Variants in C3orf52 observed in about 807,000 individuals in gnomAD.
The protein encoded by C3orf52 is TPA-induced transmembrane protein.
C3orf52 carries 22 observed loss-of-function variants against 24.8 expected under a neutral mutation model. The ratio of observed to expected loss-of-function variants is 0.89; its 90% CI spans 0.63 to 1.27. The LOEUF (loss-of-function observed/expected upper bound fraction) is 1.27, where lower values mean the gene tolerates loss of function less well. Ranked by LOEUF, C3orf52 falls within the 50% of genes most tolerant of loss-of-function variation. C3orf52 has a pLI of 0.00. For missense variants in C3orf52, 265 were observed against 260.7 expected (o/e 1.02, Z -0.11); for synonymous variants, 93 against 100.2 (o/e 0.93, Z 0.43).
At chr3:112,109,066 T>A (rs1329254785) in intron 3 of C3orf52, among the ~76,000 whole-genome samples, 2 of 152,220 alleles carry the variant, frequency 1.3e-5, no homozygotes, top group African/African-American at 4.8e-5. Context: ...CCTCTTTGTC[T>A]CTTTGTCCAG....
downstream of C3orf52, chr3:112,122,966 C>T: frequency 5.9e-6 from 1 of 170,122 alleles, no homozygotes; most frequent in Non-Finnish European, 1.3e-5. Flanking sequence ...AAAGACATGA[C>T]TTAGACACAT....
chr3:112,105,823 CAA>C (rs761974909), intron 3 of C3orf52, among the ~76,000 whole-genome samples: 16 of 83,320 alleles, frequency 1.9e-4, no homozygotes, highest in Admixed American at 5.6e-4. Flanking sequence ...ACTTAGTCTC[CAA>C]AAAAAAAAAA....
chr3:112,123,863 G>A, intron 4 of C3orf52: 1 of 1,389,318 alleles, frequency 7.2e-7, no homozygotes, highest in Admixed American at 2.2e-5. Context: ...CCTTGGTCAA[G>A]TCTGTCTTCT....
chr3:112,134,945 T>C (rs2074535497), downstream of C3orf52: 1 of 154,966 alleles, frequency 6.5e-6, no homozygotes, highest in South Asian at 2.0e-4. Context: ...AGAAAACATA[T>C]TAGTGTTGCC....
chr3:112,120,036 CAG>C (rs1018686423), downstream of C3orf52, among the ~76,000 whole-genome samples: 7 of 152,172 alleles, frequency 4.6e-5, no homozygotes, highest in Admixed American at 3.9e-4. Context: ...GATCAGGGGT[CAG>C]GGGTGAATGG....
chr3:112,126,990 C>T (rs764488637), intron 4 of C3orf52: 32 of 1,581,564 alleles, frequency 2.0e-5, no homozygotes, highest in South Asian at 5.7e-5. Context: ...GACTTACTTT[C>T]GTTTTGGGAA....
chr3:112,113,345 C>T (rs1256843475), intron 5 of C3orf52, among the ~76,000 whole-genome samples, 200 bp downstream of exon 5: 1 of 152,082 alleles, frequency 6.6e-6, no homozygotes, highest in East Asian at 1.9e-4. Flanking sequence ...CAGTCCGTGC[C>T]CTCCATAATT....
intron 1 of C3orf52, 133 bp from the exon 2 acceptor site, chr3:112,093,227 T>C: frequency 4.9e-6 from 4 of 817,778 alleles, no homozygotes; most frequent in Non-Finnish European, 7.3e-6. Context: ...TTTTGAAAAC[T>C]TGATTCAGTA....
At chr3:112,093,125 T>G (rs143850954) in intron 1 of C3orf52, among the ~76,000 whole-genome samples, 123 of 152,320 alleles carry the variant, frequency 8.1e-4, no homozygotes, top group Middle Eastern at 3.4e-3. Context: ...AATCCATCTT[T>G]CAAAATCCTG....
chr3:112,105,031 A>G (rs1234141635), intron 3 of C3orf52, among the ~76,000 whole-genome samples: 3 of 152,222 alleles, frequency 2.0e-5, no homozygotes, highest in African/African-American at 7.2e-5. Context: ...AGGTAAATGA[A>G]TGTTCATTTT....
At chr3:112,130,642 A>C (rs186411499), downstream of C3orf52, 2,359 of 798,332 alleles carry the variant, frequency 3.0e-3, 46 homozygotes, top group South Asian at 0.022. Flanking sequence ...GGTTGCCCTC[A>C]CACATGTTAA....
At chr3:112,134,156 A>C (rs1027212626), downstream of C3orf52, 57 of 152,280 alleles carry the variant, frequency 3.7e-4, no homozygotes, top group Non-Finnish European at 7.3e-5. Flanking sequence ...TTCTTCCTGC[A>C]CCATCCCCTT....
intron 4 of C3orf52, chr3:112,126,997 G>A (rs781470750): frequency 1.9e-6 from 3 of 1,588,360 alleles, no homozygotes; most frequent in Non-Finnish European, 2.6e-6. Context: ...TTTCGTTTTG[G>A]GAATCTTGCC....
chr3:112,135,503 C>T (rs376325434), downstream of C3orf52: 7 of 152,734 alleles, frequency 4.6e-5, no homozygotes, highest in East Asian at 1.4e-3. Context: ...CATTCTTATC[C>T]TTATGGCTGC....
At chr3:112,123,373 G>A in intron 4 of C3orf52, 4 of 1,552,842 alleles carry the variant, frequency 2.6e-6, no homozygotes, top group East Asian at 2.3e-5. Flanking sequence ...GAGGGACTTT[G>A]TGTCCCATCC....
chr3:112,098,189 G>A (rs2073941426), intron 2 of C3orf52, among the ~76,000 whole-genome samples: 1 of 152,118 alleles, frequency 6.6e-6, no homozygotes, highest in African/African-American at 2.4e-5. Flanking sequence ...TGTATCTATT[G>A]GTTCCCAATT....
At chr3:112,093,573 T>C in intron 2 of C3orf52, 84 bp downstream of exon 2, 3 of 1,256,900 alleles carry the variant, frequency 2.4e-6, no homozygotes, top group South Asian at 1.5e-5. Context: ...GAAGATGTAC[T>C]CATAGCCATT....
At chr3:112,086,808 G>A (rs2073832191) in intron 1 of C3orf52, among the ~76,000 whole-genome samples, 1 of 152,202 alleles carries the variant, frequency 6.6e-6, no homozygotes, top group East Asian at 1.9e-4. Flanking sequence ...AGGTGTGGCC[G>A]CTGCTGTCTT....
chr3:112,132,820 C>A (rs2074489136), downstream of C3orf52: 4 of 379,118 alleles, frequency 1.1e-5, no homozygotes, highest in Non-Finnish European at 1.3e-5. Context: ...TAGGTGGTAA[C>A]CTATTATATA....
Sources: gnomAD v4.1 joint callset for allele counts (sites outside exome capture counted in the v4.1 genomes callset) on GRCh38, gnomAD v4.1.1 for gene constraint, MANE v1.5 for transcripts, NCBI Gene and HGNC (gene_info 2026-07-23, HGNC 2026-07-21) for gene names.